SHISA9: variants seen among roughly 807,000 people sequenced by gnomAD.
SHISA9 encodes the protein shisa family member 9, also known as protein shisa-9.
SHISA9 carries 13 observed loss-of-function variants against 38.0 expected under a neutral mutation model. That is an observed-to-expected ratio of 0.34 (90% CI 0.22 to 0.54). The LOEUF is 0.54. Ranked by LOEUF, SHISA9 falls within the 20% of genes least tolerant of loss-of-function variation. The pLI, the probability that SHISA9 is intolerant of heterozygous loss-of-function variation, is 0.91. For missense variants in SHISA9, 538 were observed against 575.8 expected, an observed-to-expected ratio of 0.93 and a Z score of 0.67; for synonymous variants, 275 against 242.0, an observed-to-expected ratio of 1.14 and a Z score of -1.27.
chr16:13,524,285 A>T, the SHISA9 span, among the ~76,000 whole-genome samples: 9 of 152,332 alleles, frequency 5.9e-5, no homozygotes, highest in South Asian at 1.9e-3. Flanking sequence ...CTCCACCACC[A>T]TCATCTGACA....
chr16:13,004,054 G>T (rs921715670), intron 2 of SHISA9, among the ~76,000 whole-genome samples: 10 of 152,140 alleles, frequency 6.6e-5, no homozygotes, highest in Admixed American at 4.6e-4. Context: ...AAATAGGCAG[G>T]GAGAGGATGT....
chr16:13,165,816 A>G (rs527694322), intron 2 of SHISA9, among the ~76,000 whole-genome samples: 3 of 152,326 alleles, frequency 2.0e-5, no homozygotes, highest in African/African-American at 7.2e-5. Flanking sequence ...TTTATCGAGC[A>G]CTTAAAAATG....
intron 2 of SHISA9, among the ~76,000 whole-genome samples, chr16:12,983,829 C>G (rs1309081886): frequency 1.3e-5 from 2 of 152,148 alleles, no homozygotes; most frequent in East Asian, 3.9e-4. Context: ...CCCTTTTGAG[C>G]TCTGTCTTCT....
At chr16:13,122,277 C>T (rs761569079) in intron 2 of SHISA9, among the ~76,000 whole-genome samples, 2 of 152,158 alleles carry the variant, frequency 1.3e-5, no homozygotes, top group Non-Finnish European at 2.9e-5. Context: ...GCCAAGGTTC[C>T]CCAGAAGTCC....
rs565231215 is a variant in SHISA9, at chr16:13,225,509, T to C, written c.896-9521T>C. Reference sequence around the variant, plus strand: ...GTAATGAGAAGATTAATTGCTGTCTTTTATCATACCCTTGAGCGAAAGGCA... The same window carrying C: ...GTAATGAGAAGATTAATTGCTGTCTCTTATCATACCCTTGAGCGAAAGGCA... On this transcript the variant is annotated intron_variant, in intron 4 of 4. Coordinates refer to ENST00000558583, the MANE Select transcript of SHISA9 (RefSeq NM_001145204.3). Among the ~76,000 whole-genome samples, 9 of 152,290 alleles carry C rather than the reference T, an allele frequency of 5.9e-5. No homozygotes were observed. The South Asian group carries it at 1.9e-3, about 32-fold the overall frequency.
At chr16:13,204,210 G>GTCCATCTA (rs1555471122) in intron 3 of SHISA9, among the ~76,000 whole-genome samples, 1 of 140,986 alleles carries the variant, frequency 7.1e-6, no homozygotes, top group Non-Finnish European at 1.6e-5. Context: ...CTGTCTGTCT[G>GTCCATCTA]TCTATCTATC....
chr16:13,456,858 A>T, the SHISA9 span, among the ~76,000 whole-genome samples: 1 of 152,252 alleles, frequency 6.6e-6, no homozygotes, highest in Non-Finnish European at 1.5e-5. Context: ...TTATCATCAC[A>T]TGTTGATGCC....
chr16:13,537,490 T>A, the SHISA9 span, among the ~76,000 whole-genome samples: 2 of 151,964 alleles, frequency 1.3e-5, no homozygotes, highest in African/African-American at 4.8e-5. Flanking sequence ...ATGGAATATT[T>A]TATAGGGGTG....
intron 2 of SHISA9, among the ~76,000 whole-genome samples, chr16:13,065,339 A>G (rs1455996437): frequency 6.6e-6 from 1 of 151,974 alleles, no homozygotes; most frequent in Non-Finnish European, 1.5e-5. Flanking sequence ...TGTGAGGTGC[A>G]TCCCAGCCTG....
At chr16:13,340,301 T>C in the SHISA9 span, among the ~76,000 whole-genome samples, 1 of 152,188 alleles carries the variant, frequency 6.6e-6, no homozygotes, top group Non-Finnish European at 1.5e-5. Context: ...TCTTTGCCTT[T>C]TTCGCTCCCC....
In SHISA9 at chr16:13,025,739, T is replaced by C. The variant is rs142089103; in HGVS notation, c.691+108924T>C. Among the ~76,000 whole-genome samples the C allele has an allele frequency of 5.9e-4, 90 of 152,324 alleles. 1 individual carries two copies. Among genetic ancestry groups the C allele is most frequent in the Non-Finnish European group, 1.1e-3 (77 of 68,030 alleles). On this transcript the variant is annotated intron_variant, in intron 2 of 4. Coordinates refer to ENST00000558583, the MANE Select transcript of SHISA9 (RefSeq NM_001145204.3). ...CCTAACTGCGGGTCAGTTCTTTTTTTTATTTTTTACTTTTTATTTTTACTT... is the reference window on the plus strand; with the variant it reads ...CCTAACTGCGGGTCAGTTCTTTTTTCTATTTTTTACTTTTTATTTTTACTT...
chr16:13,079,418 T>C (rs1181479800), intron 2 of SHISA9, among the ~76,000 whole-genome samples: 3 of 152,228 alleles, frequency 2.0e-5, no homozygotes, highest in Non-Finnish European at 2.9e-5. Flanking sequence ...TTTTTGTTGT[T>C]AGCATTCTAG....
intron 2 of SHISA9, among the ~76,000 whole-genome samples, chr16:13,138,045 C>T (rs1030689648): frequency 2.6e-5 from 4 of 152,148 alleles, no homozygotes; most frequent in Admixed American, 6.6e-5. Flanking sequence ...GATTCTGACT[C>T]GGTGGGTCTG....
At chr16:13,022,300 C>T (rs936138194) in intron 2 of SHISA9, among the ~76,000 whole-genome samples, 4 of 151,608 alleles carry the variant, frequency 2.6e-5, no homozygotes, top group African/African-American at 9.7e-5. Flanking sequence ...GACAGGCATG[C>T]ACCACAAGGT....
the SHISA9 span, among the ~76,000 whole-genome samples, chr16:13,402,074 G>A: frequency 1.6e-4 from 24 of 152,226 alleles, no homozygotes; most frequent in Non-Finnish European, 2.9e-5. Context: ...AGATTTGGGT[G>A]TGGGCACAGC....
the SHISA9 span, among the ~76,000 whole-genome samples, chr16:13,363,556 G>C: frequency 6.6e-6 from 1 of 152,280 alleles, no homozygotes. Context: ...CTGGACACAT[G>C]AAAAACTATG....
chr16:13,003,863 A>AATAAT (rs201859129), intron 2 of SHISA9, among the ~76,000 whole-genome samples: 1,608 of 123,610 alleles, frequency 0.013, 27 homozygotes, highest in African/African-American at 0.053. Flanking sequence ...GTCTCAAAAT[A>AATAAT]ATAATAATAA....
chr16:13,234,385 C>G (rs891325578), intron 4 of SHISA9, among the ~76,000 whole-genome samples: 7 of 152,152 alleles, frequency 4.6e-5, no homozygotes, highest in African/African-American at 1.7e-4. Flanking sequence ...ATGAAGTATA[C>G]TTTTTTATTG....
At chr16:13,093,592 C>A (rs551672197) in intron 2 of SHISA9, among the ~76,000 whole-genome samples, 17 of 152,112 alleles carry the variant, frequency 1.1e-4, no homozygotes, top group African/African-American at 4.1e-4. Context: ...CAGCAAAATC[C>A]CAGAGAAAGC....
Sources: gnomAD v4.1 joint callset for allele counts (sites outside exome capture counted in the v4.1 genomes callset) on GRCh38, gnomAD v4.1.1 for gene constraint, MANE v1.5 for transcripts, NCBI Gene and HGNC (gene_info 2026-07-23, HGNC 2026-07-21) for gene names.